The following BNIP2 variants were observed in gnomAD, a reference collection of about 807,000 sequenced individuals.
The protein encoded by BNIP2 is BCL2 interacting protein 2.
A neutral mutation model predicts 43.4 loss-of-function variants in BNIP2; 36 were observed. The observed-to-expected ratio is 0.83, with a 90% confidence interval of 0.64 to 1.10. The LOEUF is 1.10. BNIP2 is among the 50% of genes least tolerant of loss of function. The pLI is 0.00. For synonymous variants in BNIP2, 146 were observed against 121.0 expected (o/e 1.21, Z -1.35); for missense variants, 417 against 374.1 (o/e 1.11, Z -0.95).
At chr15:59,682,991 T>G (rs548071515) in intron 1 of BNIP2, among the ~76,000 whole-genome samples, 1 of 152,356 alleles carries the variant, frequency 6.6e-6, no homozygotes, top group African/African-American at 2.4e-5. Context: ...TCATATTTCC[T>G]TCTCAATAGT....
At chr15:59,667,171 T>C (rs543385065) in intron 9 of BNIP2, among the ~76,000 whole-genome samples, 7 of 152,356 alleles carry the variant, frequency 4.6e-5, no homozygotes, top group East Asian at 1.9e-4. Context: ...AAGTGTCATA[T>C]AGAAGTGTAA....
intron 8 of BNIP2, 80 bp from the exon 9 acceptor site, chr15:59,669,070 A>T: frequency 7.7e-7 from 1 of 1,305,946 alleles, no homozygotes; most frequent in Non-Finnish European, 1.1e-6. Context: ...TACAAAAATC[A>T]TGTCATTTTG....
intron 1 of BNIP2, 80 bp downstream of exon 1, chr15:59,689,055 C>T (rs1595713188): frequency 4.8e-6 from 7 of 1,466,740 alleles, no homozygotes; most frequent in East Asian, 2.5e-5. Context: ...TGGGCACGCG[C>T]CCGACAGACT....
chr15:59,679,691 C>G lies in BNIP2; in HGVS notation c.196G>C (p.Asp66His). The change falls in exon 4 of 10, where the codon GAT (aspartate) becomes CAT (histidine). Residue 66 changes from aspartate to histidine, a missense_variant. Transcript: ENST00000607373. ...PDISLTLDPS[D>H]GSVLSDDLDE... Reference sequence around the variant, plus strand: ...AAATCATCTGACAATACAGAGCCATCACTAGGATCCAGTGTCAGGCTAATG... The same window carrying G: ...AAATCATCTGACAATACAGAGCCATGACTAGGATCCAGTGTCAGGCTAATG... The G allele has an allele frequency of 6.2e-7, 1 of 1,608,922 alleles. No individual in the cohort carries two copies. Among genetic ancestry groups the G allele is most frequent in the African/African-American group, 1.3e-5 (1 of 74,660 alleles).
chr15:59,681,412 T>C, intron 2 of BNIP2, among the ~76,000 whole-genome samples: 1 of 151,426 alleles, frequency 6.6e-6, no homozygotes, highest in South Asian at 2.1e-4. Context: ...ATTTACTTAG[T>C]AAGGTTTTTT....
chr15:59,660,498 T>C lies in BNIP2; in HGVS notation c.*3571A>G, dbSNP rs1459379456. 6.6e-6 allele frequency: 1 copy of C among 152,234 alleles called. No individual in the cohort carries two copies. Among genetic ancestry groups the C allele is most frequent in the Non-Finnish European group, 1.5e-5 (1 of 68,046 alleles). The allele number at this position is 152,234 out of a possible 1,614,324, so 9.4% of individuals were successfully genotyped here. ...GCCTGTTCTATCTGATATGTCCTAATGCTAATTTATCACTTGAAGAAATAT... is the reference window on the plus strand; with the variant it reads ...GCCTGTTCTATCTGATATGTCCTAACGCTAATTTATCACTTGAAGAAATAT... On this transcript the variant is annotated 3_prime_UTR_variant, in exon 10 of 10. Coordinates refer to ENST00000607373, the MANE Select transcript of BNIP2 (RefSeq NM_004330.4).
At chr15:59,678,302 A>G (rs983668845) in intron 4 of BNIP2, 2 of 1,278,090 alleles carry the variant, frequency 1.6e-6, no homozygotes, top group Non-Finnish European at 2.0e-6. Context: ...TTATTGCCCA[A>G]TTTAGCAAAA....
chr15:59,679,852 A>G, intron 3 of BNIP2, 84 bp from the exon 4 acceptor site: 1 of 1,166,168 alleles, frequency 8.6e-7, no homozygotes, highest in Non-Finnish European at 1.2e-6. Context: ...TAACTACCCC[A>G]TTCTTGGGAA....
intron 1 of BNIP2, 51 bp downstream of exon 1, chr15:59,689,084 C>T: frequency 6.6e-7 from 1 of 1,512,304 alleles, no homozygotes; most frequent in South Asian, 1.2e-5. Flanking sequence ...TAGGCCGGTT[C>T]CCAGTCCAGC....
intron 5 of BNIP2, among the ~76,000 whole-genome samples, chr15:59,674,152 A>G (rs1457750287): frequency 6.6e-6 from 1 of 151,856 alleles, no homozygotes; most frequent in Non-Finnish European, 1.5e-5. Flanking sequence ...CATAATTTTC[A>G]GTAATGGAAA....
chr15:59,659,178 T>A lies in BNIP2; in HGVS notation c.*4891A>T, dbSNP rs1433766545. On this transcript the variant is annotated 3_prime_UTR_variant, in exon 10 of 10. Coordinates refer to ENST00000607373, the MANE Select transcript of BNIP2 (RefSeq NM_004330.4). ...CAATTAATTTATTTAAATTCATTAATGTTGCAAAAAATATGATGTGCAACA... is the reference window on the plus strand; with the variant it reads ...CAATTAATTTATTTAAATTCATTAAAGTTGCAAAAAATATGATGTGCAACA... 6.6e-6 allele frequency: 1 copy of A among 152,244 alleles called. No homozygotes were observed. Among genetic ancestry groups the A allele is most frequent in the African/African-American group, 2.4e-5 (1 of 41,470 alleles). 9.4% of individuals were successfully genotyped at this position (152,244 alleles called of 1,614,324 possible). A position where few individuals can be genotyped will look rare whatever the true frequency, so the allele number is the denominator to read the frequency against.
intron 1 of BNIP2, chr15:59,688,702 G>C: frequency 1.3e-6 from 2 of 1,534,682 alleles, no homozygotes; most frequent in South Asian, 1.2e-5. Flanking sequence ...TGCTGCTTCC[G>C]TGTCTATTCC....
chr15:59,659,994 C>T lies in BNIP2; in HGVS notation c.*4075G>A, dbSNP rs1595679836. On this transcript the variant is annotated 3_prime_UTR_variant, in exon 10 of 10. Coordinates refer to ENST00000607373, the MANE Select transcript of BNIP2 (RefSeq NM_004330.4). ...TACATAACTGGGTCTCACCATTGAT[C>T]TGATTCTAAGTTCATTCAGAATTTC... 1 of 152,316 alleles carries T rather than the reference C, an allele frequency of 6.6e-6. No individual in the cohort carries two copies. The allele number at this position is 152,316 out of a possible 1,614,324, so 9.4% of individuals were successfully genotyped here.
Position 59,676,240 on chromosome 15 carries a change from G to C in BNIP2, c.472+1671C>G, listed in dbSNP as rs552013597. Among the ~76,000 whole-genome samples, 64 of 152,234 alleles carry C rather than the reference G, an allele frequency of 4.2e-4. 2 individuals are homozygous for C. In the Middle Eastern group the frequency reaches 0.01, roughly 24 times the overall value. On this transcript the variant is annotated intron_variant, in intron 5 of 9. Transcript: ENST00000607373. ...AACTAGAGTGCAGTGGGATGATCAC[G>C]GCCACTGAAGCCTCATCTTCCCAAG...
intron 9 of BNIP2, 44 bp from the exon 10 acceptor site, chr15:59,664,164 C>G: frequency 7.8e-7 from 1 of 1,285,676 alleles, no homozygotes; most frequent in South Asian, 1.4e-5. Flanking sequence ...AGCAACTGAA[C>G]AATTTTCTTT....
chr15:59,677,167 G>C (rs1893356363), intron 5 of BNIP2: 3 of 1,595,316 alleles, frequency 1.9e-6, no homozygotes, highest in Middle Eastern at 1.7e-4. Flanking sequence ...TACTACCTCT[G>C]CATCTTATTG....
intron 2 of BNIP2, 27 bp downstream of exon 2, chr15:59,682,381 T>A (rs759738450): frequency 6.4e-7 from 1 of 1,567,406 alleles, no homozygotes; most frequent in South Asian, 1.2e-5. Context: ...TGCTCTAAAA[T>A]TGTTTTCTTT....
intron 5 of BNIP2, among the ~76,000 whole-genome samples, chr15:59,675,631 C>T (rs1166058702): frequency 2.0e-5 from 3 of 152,000 alleles, no homozygotes; most frequent in Admixed American, 6.6e-5. Flanking sequence ...CAAAAAGAGT[C>T]CAAGTTTTAC....
intron 4 of BNIP2, chr15:59,678,605 G>A: frequency 8.8e-7 from 1 of 1,129,970 alleles, no homozygotes; most frequent in Non-Finnish European, 1.1e-6. Context: ...ATACTTTGAA[G>A]TATACATGCA....
Sources: allele counts gnomAD v4.1 joint callset (sites outside exome capture counted in the v4.1 genomes callset), GRCh38; gene constraint gnomAD v4.1.1; transcripts MANE v1.5; gene names NCBI Gene and HGNC (gene_info 2026-07-23, HGNC 2026-07-21).